The following SKA2 variants were observed in gnomAD, a reference collection of about 807,000 sequenced individuals.
SKA2 encodes the protein spindle and kinetochore-associated protein 2.
SKA2 carries 13 observed loss-of-function variants against 16.9 expected under a neutral mutation model. That is an observed-to-expected ratio of 0.77 (90% confidence interval 0.50 to 1.22). The LOEUF is 1.22. SKA2 is among the 50% of genes most tolerant of loss of function. The pLI is 0.00. For synonymous variants in SKA2, 47 were observed against 48.5 expected (o/e 0.97, Z 0.13); for missense variants, 107 against 139.7 (o/e 0.77, Z 1.18).
chr17:59,112,555 T>C (rs1357067334), intron 3 of SKA2, among the ~76,000 whole-genome samples: 3 of 152,168 alleles, frequency 2.0e-5, no homozygotes, highest in Non-Finnish European at 4.4e-5. Context: ...AACTTGCAAT[T>C]AAGTTGAAGA....
intron 2 of SKA2, among the ~76,000 whole-genome samples, chr17:59,128,783 T>G (rs1384114061): frequency 6.6e-6 from 1 of 152,060 alleles, no homozygotes; most frequent in African/African-American, 2.4e-5. Flanking sequence ...GGAAGGGTGG[T>G]AGGGAGTAGC....
chr17:59,119,183 C>G, intron 3 of SKA2, 136 bp downstream of exon 3: 1 of 848,058 alleles, frequency 1.2e-6, no homozygotes, highest in African/African-American at 1.7e-5. Flanking sequence ...TATTATACTT[C>G]AGGGTATCAG....
chr17:59,149,656 A>G (rs1462128170), intron 1 of SKA2, among the ~76,000 whole-genome samples: 1 of 152,232 alleles, frequency 6.6e-6, no homozygotes. Flanking sequence ...CCCGATGTCT[A>G]TAAGTTGGTG....
At chr17:59,143,646 A>G (rs1229905631) in intron 1 of SKA2, among the ~76,000 whole-genome samples, 1 of 151,732 alleles carries the variant, frequency 6.6e-6, no homozygotes, top group Non-Finnish European at 1.5e-5. Flanking sequence ...AGTGCTGGGA[A>G]TACAGGCGTG....
chr17:59,117,515 A>C (rs2046304486), intron 3 of SKA2, among the ~76,000 whole-genome samples: 1 of 152,112 alleles, frequency 6.6e-6, no homozygotes, highest in South Asian at 2.1e-4. Flanking sequence ...TTCTGCCCCA[A>C]ATAGTTGGAA....
chr17:59,127,265 A>G (rs1170899559), intron 2 of SKA2, among the ~76,000 whole-genome samples: 1 of 152,230 alleles, frequency 6.6e-6, no homozygotes, highest in African/African-American at 2.4e-5. Context: ...ATCAGGTATA[A>G]GGACACGTGC....
intron 1 of SKA2, among the ~76,000 whole-genome samples, chr17:59,148,808 CAAA>C (rs758187008): frequency 2.1e-5 from 1 of 47,582 alleles, no homozygotes; most frequent in Non-Finnish European, 4.0e-5. Flanking sequence ...GACCCTGTCT[CAAA>C]AAAAAAAAAA....
intron 1 of SKA2, among the ~76,000 whole-genome samples, chr17:59,154,358 A>C (rs906166209): frequency 2.0e-5 from 3 of 152,062 alleles, no homozygotes; most frequent in African/African-American, 7.2e-5. Flanking sequence ...ACAGCCCCCC[A>C]GCTGGGCGCC....
At position 59,136,846 on chromosome 17, in the gene SKA2, C is replaced by T. The variant is rs1187480694; in HGVS notation, c.34-5479G>A. ...ACAGGTGTGAGCTACCACGCCCAGC[C>T]GAAAAATCATCTTAAATGTCTGCTC... On this transcript the variant is annotated intron_variant, in intron 1 of 3. Transcript: ENST00000330137. Among the ~76,000 whole-genome samples, 7 of 152,100 alleles carry T rather than the reference C, an allele frequency of 4.6e-5. No homozygotes were observed. The East Asian group carries it at 5.8e-4, about 13-fold the overall frequency.
chr17:59,149,680 T>C (rs2046562058), intron 1 of SKA2, among the ~76,000 whole-genome samples: 1 of 152,186 alleles, frequency 6.6e-6, no homozygotes, highest in Non-Finnish European at 1.5e-5. Flanking sequence ...AAAGAGTTTG[T>C]GATATTCTAT....
chr17:59,147,371 A>G (rs1419861964), intron 1 of SKA2, among the ~76,000 whole-genome samples: 1 of 98,544 alleles, frequency 1.0e-5, no homozygotes, highest in Non-Finnish European at 2.0e-5. Flanking sequence ...GAAATTTTAT[A>G]TATAAGACAC....
At chr17:59,120,948 C>T (rs1217723909) in intron 2 of SKA2, among the ~76,000 whole-genome samples, 3 of 151,586 alleles carry the variant, frequency 2.0e-5, no homozygotes, top group African/African-American at 7.3e-5. Flanking sequence ...GTCAGGAAAT[C>T]GAGACCATCC....
intron 3 of SKA2, among the ~76,000 whole-genome samples, chr17:59,115,467 C>CA (rs1463126386): frequency 6.6e-6 from 1 of 152,174 alleles, no homozygotes; most frequent in African/African-American, 2.4e-5. Flanking sequence ...CACTGATCAA[C>CA]ATTTGCCCAA....
rs2046267382 is a variant in SKA2, at chr17:59,112,130, A to G, written c.*147T>C. On this transcript the variant is annotated 3_prime_UTR_variant, in exon 4 of 4. Coordinates refer to ENST00000330137, the MANE Select transcript of SKA2 (RefSeq NM_182620.4). The stretch of plus-strand genomic sequence containing the variant: ...TGCCCTTCTTCTTATAATCTCTCTC[A>G]TGAAAGATATCATTATCCAGTCATT... The G allele has an allele frequency of 3.2e-6, 2 of 620,732 alleles. No individual in the cohort carries two copies. The highest frequency in any genetic ancestry group is 5.8e-6 in the Non-Finnish European group (2 of 347,520). 38.5% of individuals were successfully genotyped at this position (620,732 alleles called of 1,614,324 possible). A position where few individuals can be genotyped will look rare whatever the true frequency, so the allele number is the denominator to read the frequency against.
At chr17:59,116,417 G>A (rs1489505743) in intron 3 of SKA2, among the ~76,000 whole-genome samples, 1 of 152,042 alleles carries the variant, frequency 6.6e-6, no homozygotes, top group Non-Finnish European at 1.5e-5. Context: ...ATAAACTTCA[G>A]TGTCTTTTGT....
chr17:59,139,323 G>GGAGGCA (rs1445361883), intron 1 of SKA2, among the ~76,000 whole-genome samples: 3 of 150,926 alleles, frequency 2.0e-5, no homozygotes, highest in Non-Finnish European at 4.4e-5. Context: ...CATAAACCTG[G>GGAGGCA]GAGGCAGAGG....
chr17:59,117,245 T>C (rs1191349337), intron 3 of SKA2, among the ~76,000 whole-genome samples: 1 of 152,230 alleles, frequency 6.6e-6, no homozygotes, highest in Non-Finnish European at 1.5e-5. Flanking sequence ...TTATCAGCTC[T>C]ACAGATGTCA....
At chr17:59,152,356 C>T (rs1355113861) in intron 1 of SKA2, among the ~76,000 whole-genome samples, 1 of 152,066 alleles carries the variant, frequency 6.6e-6, no homozygotes, top group Non-Finnish European at 1.5e-5. Flanking sequence ...AGGAAATGGG[C>T]TCATACAAAG....
chr17:59,133,639 T>C (rs1009449661), intron 1 of SKA2, among the ~76,000 whole-genome samples: 1 of 152,190 alleles, frequency 6.6e-6, no homozygotes, highest in African/African-American at 2.4e-5. Flanking sequence ...GACCCTACTT[T>C]CAAATGTAGA....
Sources: allele counts gnomAD v4.1 joint callset (sites outside exome capture counted in the v4.1 genomes callset), GRCh38; gene constraint gnomAD v4.1.1; transcripts MANE v1.5; gene names NCBI Gene and HGNC (gene_info 2026-07-23, HGNC 2026-07-21).